The following STRADB variants were observed in gnomAD, a reference collection of about 807,000 sequenced individuals.
STRADB encodes STE20-related kinase adapter protein beta.
A neutral mutation model predicts 52.1 loss-of-function variants in STRADB; 34 were observed. That is an observed-to-expected ratio of 0.65 (90% CI 0.50 to 0.87). The LOEUF (loss-of-function observed/expected upper bound fraction) is 0.87, where lower values mean the gene tolerates loss of function less well. STRADB is among the 40% of genes least tolerant of loss of function. The pLI, the probability that STRADB is intolerant of heterozygous loss-of-function variation, is 0.00. For missense variants in STRADB, 340 were observed against 483.9 expected, an observed-to-expected ratio of 0.70 and a Z score of 2.79; for synonymous variants, 133 against 174.5, an observed-to-expected ratio of 0.76 and a Z score of 1.87.
At chr2:201,460,576 G>GTTTTAA (rs773769610) in intron 3 of STRADB, among the ~76,000 whole-genome samples, 35 of 152,030 alleles carry the variant, frequency 2.3e-4, no homozygotes, top group Admixed American at 8.5e-4. Flanking sequence ...GAGTTCAATT[G>GTTTTAA]TTTTAATTTT....
At chr2:201,468,777 C>G (rs1393605411) in intron 3 of STRADB, among the ~76,000 whole-genome samples, 1 of 152,162 alleles carries the variant, frequency 6.6e-6, no homozygotes. Flanking sequence ...AGGTTGATAT[C>G]ACTTAAAAAA....
At position 201,469,973 on chromosome 2, in the gene STRADB, C is replaced by G; in HGVS notation, c.114C>G (p.Ser38=). 1 of 1,613,750 alleles carries G rather than the reference C, an allele frequency of 6.2e-7. No individual in the cohort carries two copies. ...HQYLVDEPTL[S]WSRPSTRASE... The stretch of plus-strand genomic sequence containing the variant: ...TGCAGGTTGATGAGCCAACCCTTTC[C>G]TGGTCACGTCCATCCACTAGAGCCA... The change falls in exon 4 of 12, where the codon TCC becomes TCG. Residue 38 remains serine (S), a synonymous_variant. Coordinates refer to ENST00000194530, the MANE Select transcript of STRADB (RefSeq NM_018571.6).
chr2:201,458,497 C>T (rs563241455), intron 2 of STRADB, among the ~76,000 whole-genome samples: 1 of 152,254 alleles, frequency 6.6e-6, no homozygotes, highest in South Asian at 2.1e-4. Context: ...TTAACACCAA[C>T]AGTTAAAATG....
intron 2 of STRADB, among the ~76,000 whole-genome samples, chr2:201,455,990 C>T (rs1471995560): frequency 1.3e-5 from 2 of 152,134 alleles, no homozygotes; most frequent in Admixed American, 6.5e-5. Flanking sequence ...TAAAGCATTA[C>T]CACTTGAAAG....
intron 3 of STRADB, among the ~76,000 whole-genome samples, chr2:201,467,833 C>T (rs1428318493): frequency 6.6e-6 from 1 of 152,152 alleles, no homozygotes; most frequent in African/African-American, 2.4e-5. Context: ...CTTGTCTCTT[C>T]CAGTCTGCTC....
At chr2:201,475,808 T>C (rs1305775722) in intron 7 of STRADB, 66 bp downstream of exon 7, 3 of 1,507,660 alleles carry the variant, frequency 2.0e-6, no homozygotes, top group Non-Finnish European at 2.7e-6. Flanking sequence ...AAGGAGGTTT[T>C]AGGAAGGAGC....
chr2:201,469,886 T>C, intron 3 of STRADB, 67 bp from the exon 4 acceptor site: 1 of 1,209,028 alleles, frequency 8.3e-7, no homozygotes. Context: ...AACACCAGTG[T>C]TTTATATTAG....
At chr2:201,460,756 A>G (rs1952201194) in intron 3 of STRADB, 2 of 332,848 alleles carry the variant, frequency 6.0e-6, no homozygotes, top group South Asian at 2.5e-5. Context: ...TTCTTTATCC[A>G]TTCATCTGTT....
intron 10 of STRADB, 140 bp from the exon 11 acceptor site, chr2:201,479,349 G>A: frequency 1.4e-6 from 1 of 696,310 alleles, no homozygotes; most frequent in Non-Finnish European, 2.4e-6. Flanking sequence ...GCTAAGAATT[G>A]GGCTTCTGAC....
chr2:201,464,535 A>C (rs1436516090), intron 3 of STRADB, among the ~76,000 whole-genome samples: 1 of 152,212 alleles, frequency 6.6e-6, no homozygotes, highest in African/African-American at 2.4e-5. Context: ...GCACTGGGTC[A>C]GACCTGAAGC....
chr2:201,456,225 G>A (rs1952125469), intron 2 of STRADB, among the ~76,000 whole-genome samples: 1 of 152,166 alleles, frequency 6.6e-6, no homozygotes, highest in Non-Finnish European at 1.5e-5. Flanking sequence ...ACAAAAACAG[G>A]TGGTGGGTCA....
rs373753081 is a variant in STRADB, at chr2:201,454,821, G to A, written c.-20G>A. ...AATAGATGGATTTTTGTCACTTTCT[G>A]TGTGAACTAAAGTGATTCAATGTCT... On this transcript the variant is annotated 5_prime_UTR_variant, in exon 2 of 12. The change creates a new upstream start codon in the 5' untranslated region. Transcript: ENST00000194530. 22 of 1,603,114 alleles carry A rather than the reference G, an allele frequency of 1.4e-5. No homozygotes were observed. Among genetic ancestry groups the A allele is most frequent in the Non-Finnish European group, 1.5e-5 (18 of 1,175,282 alleles).
intron 2 of STRADB, among the ~76,000 whole-genome samples, chr2:201,455,524 G>T (rs531824039): frequency 5.3e-5 from 8 of 152,198 alleles, no homozygotes; most frequent in African/African-American, 1.9e-4. Flanking sequence ...CACCAGCCTA[G>T]GCAACATAGT....
chr2:201,478,650 T>C lies in STRADB; in HGVS notation c.1070+49T>C, dbSNP rs541424991. On this transcript the variant is annotated intron_variant, in intron 10 of 11. Transcript: ENST00000194530. ...GCACAAAATGTACATGTTTTACATTTTATAGAAGCTTTGTAACATTGCCCT... is the reference window on the plus strand; with the variant it reads ...GCACAAAATGTACATGTTTTACATTCTATAGAAGCTTTGTAACATTGCCCT... The C allele has an allele frequency of 1.4e-5, 22 of 1,576,990 alleles. No individual in the cohort carries two copies. In the South Asian group the frequency reaches 2.5e-4, roughly 18 times the overall value.
intron 7 of STRADB, 150 bp downstream of exon 7, chr2:201,475,892 T>A: frequency 1.2e-6 from 1 of 806,582 alleles, no homozygotes; most frequent in Non-Finnish European, 1.9e-6. Flanking sequence ...TTAGGTGCAG[T>A]GGATTGCTTA....
rs989988878 is a variant in STRADB, at chr2:201,474,167, G to A, written c.316-480G>A. On this transcript the variant is annotated intron_variant, in intron 5 of 11. Coordinates refer to ENST00000194530, the MANE Select transcript of STRADB (RefSeq NM_018571.6). Reference sequence around the variant, plus strand: ...GGCCTCCCAAAGTGCTGGGATTACAGGCGTGAGCCACCGTGCCCGGCCCCA... The same window carrying A: ...GGCCTCCCAAAGTGCTGGGATTACAAGCGTGAGCCACCGTGCCCGGCCCCA... Among the ~76,000 whole-genome samples the A allele has an allele frequency of 3.7e-4, 57 of 152,130 alleles. 2 individuals are homozygous for A.
chr2:201,470,030 C>T lies in STRADB; in HGVS notation c.171C>T (p.His57=). ...TACTATGTTCCACCAACGTTTCTCA[C>T]TATGAGCTCCAAGTAGAAATAGGTA... ...SEVLCSTNVS[H]YELQVEIGRG... is the part of the protein sequence containing the mutation. The change falls in exon 4 of 12, where the codon CAC becomes CAT. Residue 57 remains histidine (H), a synonymous_variant. Coordinates refer to ENST00000194530, the MANE Select transcript of STRADB (RefSeq NM_018571.6). 3.1e-6 allele frequency: 5 copies of T among 1,613,520 alleles called. No individual in the cohort carries two copies. The highest frequency in any genetic ancestry group is 4.2e-6 in the Non-Finnish European group (5 of 1,179,430).
chr2:201,471,281 G>A (rs1191353230), intron 4 of STRADB, among the ~76,000 whole-genome samples: 1 of 152,190 alleles, frequency 6.6e-6, no homozygotes, highest in Non-Finnish European at 1.5e-5. Context: ...GACTGCAAGT[G>A]GGAACAAGGG....
chr2:201,471,966 G>A (rs998905698), intron 4 of STRADB, among the ~76,000 whole-genome samples: 3 of 152,150 alleles, frequency 2.0e-5, no homozygotes, highest in Admixed American at 2.0e-4. Flanking sequence ...GGGAGGAGAC[G>A]AATTTGAGAT....
Sources: allele counts gnomAD v4.1 joint callset (sites outside exome capture counted in the v4.1 genomes callset), GRCh38; gene constraint gnomAD v4.1.1; transcripts MANE v1.5; gene names NCBI Gene and HGNC (gene_info 2026-07-23, HGNC 2026-07-21).